STON1: variants seen among roughly 807,000 people sequenced by gnomAD.
STON1 encodes stonin-1.
A neutral mutation model predicts 60.9 loss-of-function variants in STON1; 79 were observed. That is an observed-to-expected ratio of 1.30 (90% CI 1.08 to 1.56). The LOEUF (loss-of-function observed/expected upper bound fraction) is 1.56, where lower values mean the gene tolerates loss of function less well. Ranked by LOEUF, STON1 falls within the 40% of genes most tolerant of loss-of-function variation. The pLI, the probability that STON1 is intolerant of heterozygous loss-of-function variation, is 0.00. For synonymous variants in STON1, 363 were observed against 306.9 expected, an observed-to-expected ratio of 1.18 and a Z score of -1.91; for missense variants, 1,166 against 858.9, an observed-to-expected ratio of 1.36 and a Z score of -4.47.
At chr2:48,578,203 C>G (rs1313058804) in intron 1 of STON1, among the ~76,000 whole-genome samples, 1 of 152,280 alleles carries the variant, frequency 6.6e-6, no homozygotes, top group Non-Finnish European at 1.5e-5. Flanking sequence ...CCTTGGACTT[C>G]TGACCTCAGG....
chr2:48,570,062 T>C (rs1201977904), intron 1 of STON1, among the ~76,000 whole-genome samples: 7 of 152,184 alleles, frequency 4.6e-5, no homozygotes, highest in Non-Finnish European at 1.5e-5. Context: ...AGGCTGGGCA[T>C]GGTGGCTCAT....
At chr2:48,586,852 G>A (rs949873333) in intron 2 of STON1, among the ~76,000 whole-genome samples, 3 of 152,272 alleles carry the variant, frequency 2.0e-5, no homozygotes, top group Middle Eastern at 3.4e-3. Context: ...AAAGGCAGTG[G>A]CAGAGAGAGA....
At chr2:48,548,081 AGTCTTT>A (rs1386379393) in intron 1 of STON1, among the ~76,000 whole-genome samples, 1 of 152,176 alleles carries the variant, frequency 6.6e-6, no homozygotes, top group Non-Finnish European at 1.5e-5. Context: ...GTAACTCTTT[AGTCTTT>A]GAATGTCCCC....
At chr2:48,593,266 C>T (rs1364879777) in intron 3 of STON1, among the ~76,000 whole-genome samples, 1 of 151,990 alleles carries the variant, frequency 6.6e-6, no homozygotes, top group Non-Finnish European at 1.5e-5. Flanking sequence ...CAGGTGCCTG[C>T]CACCACGCCT....
rs1674772261 is a variant in STON1 at position 48,596,096 on chromosome 2, A to C, written c.*794A>C. On this transcript the variant is annotated 3_prime_UTR_variant, in exon 4 of 4. Coordinates refer to ENST00000404752, the MANE Select transcript of STON1 (RefSeq NM_006873.4). ...TGTGTATATTAAATATGAATTTTTAAAATTTATAAATACTATTTTCCAAAA... is the reference window on the plus strand; with the variant it reads ...TGTGTATATTAAATATGAATTTTTACAATTTATAAATACTATTTTCCAAAA... 1 of 152,228 alleles carries C rather than the reference A, an allele frequency of 6.6e-6. No homozygotes were observed. Among genetic ancestry groups the C allele is most frequent in the Non-Finnish European group, 1.5e-5 (1 of 68,040 alleles). The allele number at this position is 152,228 out of a possible 1,614,324, so 9.4% of individuals were successfully genotyped here. A position where few individuals can be genotyped will look rare whatever the true frequency, so the allele number is the denominator to read the frequency against.
chr2:48,565,837 G>A (rs1027990735), intron 1 of STON1, among the ~76,000 whole-genome samples: 2 of 152,226 alleles, frequency 1.3e-5, no homozygotes, highest in African/African-American at 4.8e-5. Context: ...TGAGGAAACT[G>A]TGGCTCAGTG....
chr2:48,564,515 T>C (rs1307157479), intron 1 of STON1, among the ~76,000 whole-genome samples: 88 of 33,898 alleles, frequency 2.6e-3, no homozygotes, highest in Admixed American at 3.5e-3. Flanking sequence ...TTCTTCTTCT[T>C]CTTCTTCTTC....
At chr2:48,559,867 A>G (rs1050891811) in intron 1 of STON1, among the ~76,000 whole-genome samples, 1 of 152,128 alleles carries the variant, frequency 6.6e-6, no homozygotes, top group East Asian at 1.9e-4. Flanking sequence ...CCTTTGGCCA[A>G]CATTTCCCCA....
intron 1 of STON1, among the ~76,000 whole-genome samples, chr2:48,564,530 T>C (rs1484485138): frequency 4.0e-4 from 18 of 44,674 alleles, no homozygotes; most frequent in Non-Finnish European, 5.0e-4. Context: ...TTCTTCTTCT[T>C]CTTCTTCTTC....
In STON1 at chr2:48,580,716, C is replaced by G; in HGVS notation, c.83C>G (p.Pro28Arg). Reference sequence around the variant, plus strand: ...TCTTCTCAAAAGTCAAAGAATTTTCCTCTGGAGAATCAAGGTGTCTGTAGA... The same window carrying G: ...TCTTCTCAAAAGTCAAAGAATTTTCGTCTGGAGAATCAAGGTGTCTGTAGA... The part of the protein sequence containing the change: ...VQSSQKSKNF[P>R]LENQGVCRPN... Residue 28 changes from proline (P) to arginine (R), a missense_variant, in exon 2 of 4, where the codon CCT becomes CGT. Pro to Arg is a moderately radical substitution (Grantham distance 103). Transcript: ENST00000404752. 1 of 1,482,566 alleles carries G rather than the reference C, an allele frequency of 6.7e-7. No individual in the cohort carries two copies. Among genetic ancestry groups the G allele is most frequent in the East Asian group, 2.5e-5 (1 of 40,232 alleles). 91.8% of individuals were successfully genotyped at this position (1,482,566 alleles called of 1,614,324 possible).
At chr2:48,577,360 A>T (rs1673574560) in intron 1 of STON1, among the ~76,000 whole-genome samples, 2 of 152,024 alleles carry the variant, frequency 1.3e-5, no homozygotes, top group South Asian at 4.2e-4. Flanking sequence ...AGGTGGGCAG[A>T]TCACGAGGTC....
chr2:48,530,320 C>G, intron 1 of STON1, 104 bp downstream of exon 1: 1 of 325,154 alleles, frequency 3.1e-6, no homozygotes, highest in Non-Finnish European at 5.9e-6. Flanking sequence ...CGCCCCGGGA[C>G]GCGGGCATCT....
chr2:48,569,059 C>G (rs745456441), intron 1 of STON1: 2 of 152,216 alleles, frequency 1.3e-5, no homozygotes, highest in Non-Finnish European at 2.9e-5. Context: ...AGTCTAGGTT[C>G]TACATCTTAC....
chr2:48,535,478 G>A (rs1270587203), intron 1 of STON1, among the ~76,000 whole-genome samples: 1 of 152,074 alleles, frequency 6.6e-6, no homozygotes, highest in Non-Finnish European at 1.5e-5. Flanking sequence ...CTTTGTGGAA[G>A]GTACCTTGAG....
chr2:48,557,950 C>T (rs571446456), intron 1 of STON1, among the ~76,000 whole-genome samples: 149 of 152,260 alleles, frequency 9.8e-4, no homozygotes, highest in Middle Eastern at 3.4e-3. Context: ...CTGTCAGGTG[C>T]GGTGGCTCAT....
chr2:48,585,917 G>A (rs1436337748), intron 2 of STON1, among the ~76,000 whole-genome samples: 2 of 152,226 alleles, frequency 1.3e-5, no homozygotes, highest in African/African-American at 2.4e-5. Flanking sequence ...ACTTGAAGTG[G>A]TAATTATGCT....
intron 1 of STON1, among the ~76,000 whole-genome samples, chr2:48,541,876 G>C (rs78696466): frequency 1.5e-3 from 226 of 152,256 alleles, no homozygotes; most frequent in African/African-American, 5.3e-3. Flanking sequence ...CACGCTTACT[G>C]CGGTGTCTCA....
chr2:48,538,875 C>T (rs931388947), intron 1 of STON1, among the ~76,000 whole-genome samples: 23 of 151,680 alleles, frequency 1.5e-4, no homozygotes, highest in Admixed American at 1.2e-3. Context: ...GCCGCGGCCT[C>T]CCAAAATACT....
chr2:48,552,722 A>C (rs1672154469), intron 1 of STON1, among the ~76,000 whole-genome samples: 1 of 152,198 alleles, frequency 6.6e-6, no homozygotes, highest in Non-Finnish European at 1.5e-5. Context: ...GTGAGCTAAG[A>C]TGGCACCACT....
Sources: gnomAD v4.1 joint callset for allele counts (sites outside exome capture counted in the v4.1 genomes callset) on GRCh38, gnomAD v4.1.1 for gene constraint, MANE v1.5 for transcripts, NCBI Gene and HGNC (gene_info 2026-07-23, HGNC 2026-07-21) for gene names.